Variants in ARMH3 observed in about 807,000 individuals in gnomAD.
ARMH3 encodes the protein armadillo-like helical domain-containing protein 3.
In ARMH3, 60 loss-of-function variants were observed where a neutral mutation model predicts 99.1. The observed-to-expected ratio is 0.61, with a 90% CI of 0.49 to 0.75. The LOEUF (loss-of-function observed/expected upper bound fraction) is 0.75, where lower values mean the gene tolerates loss of function less well. Among genes scored for constraint, ARMH3 ranks in the 30% least tolerant of loss-of-function variants. The pLI, the probability that ARMH3 is intolerant of heterozygous loss-of-function variation, is 0.00. For missense variants in ARMH3, 679 were observed against 843.1 expected (o/e 0.81, Z 2.41); for synonymous variants, 285 against 292.8 (o/e 0.97, Z 0.27).
chr10:101,937,544 A>C (rs1023598145), intron 23 of ARMH3, among the ~76,000 whole-genome samples: 3 of 151,954 alleles, frequency 2.0e-5, no homozygotes, highest in African/African-American at 7.2e-5. Flanking sequence ...AAGAAGAAGA[A>C]GAAGACCTAT....
intron 24 of ARMH3, among the ~76,000 whole-genome samples, chr10:101,870,729 C>A (rs915175827): frequency 6.6e-6 from 1 of 152,148 alleles, no homozygotes; most frequent in African/African-American, 2.4e-5. Context: ...TTCCCCAACT[C>A]ATTTTTTAAG....
chr10:102,033,101 A>G lies in ARMH3; in HGVS notation c.231T>C (p.Asn77=). 2 of 1,614,088 alleles carry G rather than the reference A, an allele frequency of 1.2e-6. No homozygotes were observed. Among genetic ancestry groups the G allele is most frequent in the Non-Finnish European group, 1.7e-6 (2 of 1,180,010 alleles). The part of the protein sequence containing the change: ...DGEELMKIKD[N]INCLFQHCIQ... Reference sequence around the variant, plus strand: ...TGCAGTGTTGGAATAAGCAATTAATATTGTCCTTGATCTTCATTAACTCCT... The same window carrying G: ...TGCAGTGTTGGAATAAGCAATTAATGTTGTCCTTGATCTTCATTAACTCCT... Residue 77 remains asparagine, a synonymous_variant, in exon 4 of 26, where the codon AAT becomes AAC. Transcript: ENST00000370033.
At chr10:101,992,372 G>C (rs1846837578) in intron 17 of ARMH3, among the ~76,000 whole-genome samples, 1 of 151,966 alleles carries the variant, frequency 6.6e-6, no homozygotes, top group African/African-American at 2.4e-5. Flanking sequence ...AGGTACACTG[G>C]TGTTTTTCTT....
In ARMH3 at chr10:101,919,688, G is replaced by A. The variant is rs4919603; in HGVS notation, c.1781+20175C>T. ...CATTCAATACTTACTAAACTGTACCGGGAGAGTTGTGCTTTTCACACTCCA... is the reference window on the plus strand; with the variant it reads ...CATTCAATACTTACTAAACTGTACCAGGAGAGTTGTGCTTTTCACACTCCA... On this transcript the variant is annotated intron_variant, in intron 23 of 25. Coordinates refer to ENST00000370033, the MANE Select transcript of ARMH3 (RefSeq NM_024541.3). Among the ~76,000 whole-genome samples, 1,259 of 152,120 alleles carry A rather than the reference G, an allele frequency of 8.3e-3. 36 individuals are homozygous for A. The East Asian group carries it at 0.11, about 13-fold the overall frequency.
chr10:102,015,391 ATT>A lies in ARMH3; in HGVS notation c.670-1369_670-1368del, dbSNP rs58969567. ...AAAGTAGACTGTTTAAGGTTTTGGG[ATT>A]TTTTTTTTTTTTTTGAGACGGAATT... On this transcript the variant is annotated intron_variant, in intron 8 of 25. Coordinates refer to ENST00000370033, the MANE Select transcript of ARMH3 (RefSeq NM_024541.3). Among the ~76,000 whole-genome samples, 11 of 141,950 alleles carry A rather than the reference ATT, an allele frequency of 7.7e-5. No individual in the cohort carries two copies. In the South Asian group the frequency reaches 1.3e-3, roughly 17 times the overall value. 93.1% of individuals were successfully genotyped at this position (141,950 alleles called of 152,430 possible).
intron 1 of ARMH3, among the ~76,000 whole-genome samples, chr10:102,045,927 T>G (rs1413184806): frequency 2.6e-5 from 4 of 151,944 alleles, no homozygotes; most frequent in Non-Finnish European, 5.9e-5. Context: ...AAACCCCATC[T>G]CTACTAAAAA....
At chr10:101,852,609 AGTG>A (rs2066629697) in intron 24 of ARMH3, among the ~76,000 whole-genome samples, 1 of 152,050 alleles carries the variant, frequency 6.6e-6, no homozygotes, top group Non-Finnish European at 1.5e-5. Context: ...TACAAACATT[AGTG>A]GTGGTGCGCA....
At chr10:101,943,046 AC>A (rs533766361) in intron 22 of ARMH3, among the ~76,000 whole-genome samples, 114 of 152,210 alleles carry the variant, frequency 7.5e-4, no homozygotes, top group Non-Finnish European at 5.1e-4. Context: ...GAACCCTACA[AC>A]TGCCCTGCAG....
intron 24 of ARMH3, among the ~76,000 whole-genome samples, chr10:101,887,651 T>C (rs974542787): frequency 6.7e-6 from 1 of 148,612 alleles, no homozygotes; most frequent in African/African-American, 2.5e-5. Flanking sequence ...CAGGGTGGTC[T>C]TGAATTCCTG....
At chr10:102,005,380 CAAAAAAAAA>C (rs11344018) in intron 14 of ARMH3, among the ~76,000 whole-genome samples, 1 of 64,904 alleles carries the variant, frequency 1.5e-5, no homozygotes, top group Non-Finnish European at 3.0e-5. Context: ...GACTCTGTCT[CAAAAAAAAA>C]AAAAAAAAAA....
chr10:102,017,469 G>C (rs1191020616), intron 8 of ARMH3, among the ~76,000 whole-genome samples: 1 of 152,202 alleles, frequency 6.6e-6, no homozygotes, highest in Non-Finnish European at 1.5e-5. Context: ...AGCTGAGCCA[G>C]GATTCGGATC....
At chr10:101,847,677 G>C in intron 25 of ARMH3, 57 bp from the exon 26 acceptor site, 1 of 1,512,500 alleles carries the variant, frequency 6.6e-7, no homozygotes, top group Non-Finnish European at 9.2e-7. Context: ...AAACAGGAGA[G>C]AGTCAGTTCT....
rs774167740 is a variant in ARMH3 at position 101,847,622 on chromosome 10, T to C, written c.1978-2A>G. 2 of 1,613,812 alleles carry C rather than the reference T, an allele frequency of 1.2e-6. No individual in the cohort carries two copies. Among genetic ancestry groups the C allele is most frequent in the Non-Finnish European group, 1.7e-6 (2 of 1,179,818 alleles). On this transcript the variant is annotated splice_acceptor_variant, in intron 25 of 25. Transcript: ENST00000370033. LOFTEE classifies it high-confidence loss of function. ...GACGTTGGTGCTAATGGATCGAACC[T>C]GGGAAAGGGTAGTTGGGGAAGGTGG...
chr10:102,031,794 C>T (rs1311481533), intron 4 of ARMH3, among the ~76,000 whole-genome samples: 1 of 152,158 alleles, frequency 6.6e-6, no homozygotes, highest in Non-Finnish European at 1.5e-5. Context: ...GGCTGGAGTG[C>T]AGTGGCACCA....
chr10:102,052,914 T>C (rs1564889564), intron 1 of ARMH3, among the ~76,000 whole-genome samples: 2 of 152,028 alleles, frequency 1.3e-5, no homozygotes, highest in African/African-American at 4.8e-5. Flanking sequence ...CCCCTATGCC[T>C]CTTTCCATAC....
At chr10:101,925,290 T>C (rs1554864217) in intron 23 of ARMH3, among the ~76,000 whole-genome samples, 1 of 152,244 alleles carries the variant, frequency 6.6e-6, no homozygotes, top group Non-Finnish European at 1.5e-5. Flanking sequence ...GTTCCAGTTC[T>C]AGATGTCATT....
chr10:102,028,825 T>C (rs1259571295), intron 5 of ARMH3, among the ~76,000 whole-genome samples: 2 of 152,304 alleles, frequency 1.3e-5, no homozygotes, highest in African/African-American at 4.8e-5. Flanking sequence ...GTGATGATAA[T>C]TGTATAATTC....
intron 1 of ARMH3, among the ~76,000 whole-genome samples, chr10:102,046,264 G>C (rs1480784331): frequency 8.4e-5 from 12 of 142,462 alleles, no homozygotes; most frequent in African/African-American, 3.1e-4. Flanking sequence ...AAGAAAGAGA[G>C]AAAAAGAGAG....
chr10:102,045,898 C>T (rs1329580267), intron 1 of ARMH3, among the ~76,000 whole-genome samples: 1 of 152,014 alleles, frequency 6.6e-6, no homozygotes, highest in Non-Finnish European at 1.5e-5. Flanking sequence ...AGTTCGAGAC[C>T]AGCCTAACCA....
Sources: gnomAD v4.1 joint callset for allele counts (sites outside exome capture counted in the v4.1 genomes callset) on GRCh38, gnomAD v4.1.1 for gene constraint, MANE v1.5 for transcripts, NCBI Gene and HGNC (gene_info 2026-07-23, HGNC 2026-07-21) for gene names.